The following RGS21 variants were observed in gnomAD, a reference collection of about 807,000 sequenced individuals.
RGS21 encodes regulator of G-protein signalling 21.
In RGS21, 19 loss-of-function variants were observed where a neutral mutation model predicts 18.7. The observed-to-expected ratio is 1.01, with a 90% confidence interval of 0.71 to 1.49. RGS21 has a LOEUF of 1.49. Among genes scored for constraint, RGS21 ranks in the 40% most tolerant of loss-of-function variants. The pLI is 0.00. For missense variants in RGS21, 194 were observed against 176.8 expected (o/e 1.10, Z -0.55); for synonymous variants, 56 against 57.8 (o/e 0.97, Z 0.14).
In RGS21 at chr1:192,349,411, A is replaced by G. The variant is rs115055981; in HGVS notation, c.88+2022A>G. Among the ~76,000 whole-genome samples the G allele has an allele frequency of 1.7e-3, 266 of 152,242 alleles. 1 individual carries two copies. The highest frequency in any genetic ancestry group is 5.7e-3 in the African/African-American group (236 of 41,560). On this transcript the variant is annotated intron_variant, in intron 3 of 4. Transcript: ENST00000417209. The stretch of plus-strand genomic sequence containing the variant: ...AGCTAAAGGACTTGTCAAATTACCT[A>G]GTTGTTTTTGTTGATTTGCAGACAT...
intron 1 of RGS21, among the ~76,000 whole-genome samples, chr1:192,342,113 G>T (rs1245734149): frequency 1.3e-5 from 2 of 151,952 alleles, no homozygotes; most frequent in East Asian, 3.9e-4. Context: ...TCAAGGAGAA[G>T]AACATTTTTT....
At chr1:192,338,804 T>C (rs1393259428) in intron 1 of RGS21, among the ~76,000 whole-genome samples, 1 of 152,124 alleles carries the variant, frequency 6.6e-6, no homozygotes, top group African/African-American at 2.4e-5. Flanking sequence ...CTAAAGTATT[T>C]AAATACTTAT....
At chr1:192,333,434 T>C (rs1247787609) in intron 1 of RGS21, among the ~76,000 whole-genome samples, 1 of 151,804 alleles carries the variant, frequency 6.6e-6, no homozygotes, top group Non-Finnish European at 1.5e-5. Flanking sequence ...ATAAGAAGTG[T>C]CCTTAAGTAG....
intron 1 of RGS21, among the ~76,000 whole-genome samples, chr1:192,341,153 A>T (rs1020548178): frequency 2.6e-5 from 4 of 151,812 alleles, no homozygotes; most frequent in African/African-American, 7.3e-5. Context: ...TCACTCCAAC[A>T]TCTTGTTTTC....
At chr1:192,356,662 GAC>G (rs1288381210) in intron 4 of RGS21, among the ~76,000 whole-genome samples, 1 of 151,646 alleles carries the variant, frequency 6.6e-6, no homozygotes, top group Non-Finnish European at 1.5e-5. Flanking sequence ...ATGAGTTGTT[GAC>G]AGAGAAAAGC....
chr1:192,349,991 T>C (rs886084905), intron 3 of RGS21, among the ~76,000 whole-genome samples: 1 of 152,210 alleles, frequency 6.6e-6, no homozygotes, highest in Non-Finnish European at 1.5e-5. Context: ...CATCTTAGCA[T>C]AAATTCTGTT....
chr1:192,329,165 G>A (rs75368245), intron 1 of RGS21, among the ~76,000 whole-genome samples: 3,441 of 152,078 alleles, frequency 0.023, 60 homozygotes, highest in Non-Finnish European at 0.035. Context: ...GGCCAATATT[G>A]TCAGGTTTAA....
chr1:192,358,463 G>C (rs1027015232), intron 4 of RGS21, among the ~76,000 whole-genome samples: 14 of 151,984 alleles, frequency 9.2e-5, no homozygotes, highest in African/African-American at 3.4e-4. Flanking sequence ...TGAGGTGTTA[G>C]TGGTGATTAA....
At chr1:192,353,428 A>G (rs376447804) in intron 4 of RGS21, among the ~76,000 whole-genome samples, 2 of 152,016 alleles carry the variant, frequency 1.3e-5, no homozygotes, top group South Asian at 4.1e-4. Context: ...ATTCTGGAAA[A>G]TTGAAAATGT....
intron 1 of RGS21, among the ~76,000 whole-genome samples, chr1:192,322,648 TC>T (rs1194272248): frequency 6.6e-6 from 1 of 152,008 alleles, no homozygotes; most frequent in Non-Finnish European, 1.5e-5. Context: ...GCCAGACACT[TC>T]CAGCCAGGAT....
chr1:192,347,802 G>A (rs1459918563), intron 3 of RGS21, among the ~76,000 whole-genome samples: 1 of 151,966 alleles, frequency 6.6e-6, no homozygotes, highest in Non-Finnish European at 1.5e-5. Context: ...TGAGATTACA[G>A]ACATGCACCA....
At chr1:192,335,265 A>T (rs1658751395) in intron 1 of RGS21, among the ~76,000 whole-genome samples, 1 of 152,298 alleles carries the variant, frequency 6.6e-6, no homozygotes, top group East Asian at 1.9e-4. Flanking sequence ...GGGAAGAAGG[A>T]AATGATTCTC....
At chr1:192,325,688 T>C (rs1658559928) in intron 1 of RGS21, among the ~76,000 whole-genome samples, 1 of 152,134 alleles carries the variant, frequency 6.6e-6, no homozygotes, top group Non-Finnish European at 1.5e-5. Flanking sequence ...TTGATTTGCA[T>C]GTCTCTGATT....
intron 4 of RGS21, among the ~76,000 whole-genome samples, chr1:192,357,045 T>C (rs1362852340): frequency 6.6e-6 from 1 of 151,756 alleles, no homozygotes; most frequent in African/African-American, 2.4e-5. Flanking sequence ...TAAAAAATAA[T>C]AATTATAATA....
At chr1:192,331,369 TG>T (rs1254065875) in intron 1 of RGS21, among the ~76,000 whole-genome samples, 1 of 151,942 alleles carries the variant, frequency 6.6e-6, no homozygotes, top group African/African-American at 2.4e-5. Context: ...CTGGCCAACA[TG>T]GTGAAATCCC....
At position 192,318,554 on chromosome 1, in the gene RGS21, G is replaced by A. The variant is rs560680844; in HGVS notation, c.-61+1449G>A. 2.0e-5 allele frequency among the ~76,000 whole-genome samples: 3 copies of A among 152,182 alleles called. No homozygotes were observed. The South Asian group carries it at 6.2e-4, about 32-fold the overall frequency. Reference sequence around the variant, plus strand: ...AGATTTATCTTCCAGCAGAAGAACAGGGAGAATGTCGTATCTAAAGGAGAA... The same window carrying A: ...AGATTTATCTTCCAGCAGAAGAACAAGGAGAATGTCGTATCTAAAGGAGAA... On this transcript the variant is annotated intron_variant, in intron 1 of 4. Transcript: ENST00000417209.
At position 192,343,011 on chromosome 1, in the gene RGS21, A is replaced by C. The variant is rs1267536415; in HGVS notation, c.-26A>C. ...CAGTCAGAAAGAGAAACTCGGCATCATCTGTGACAGACAGTGGAACGAAAA... is the reference window on the plus strand; with the variant it reads ...CAGTCAGAAAGAGAAACTCGGCATCCTCTGTGACAGACAGTGGAACGAAAA... On this transcript the variant is annotated 5_prime_UTR_variant, in exon 2 of 5. Coordinates refer to ENST00000417209, the MANE Select transcript of RGS21 (RefSeq NM_001039152.3). 8 of 1,612,010 alleles carry C rather than the reference A, an allele frequency of 5.0e-6. No individual in the cohort carries two copies. The highest frequency in any genetic ancestry group is 6.8e-6 in the Non-Finnish European group (8 of 1,178,390).
At chr1:192,336,056 A>G (rs1161823200) in intron 1 of RGS21, among the ~76,000 whole-genome samples, 1 of 152,246 alleles carries the variant, frequency 6.6e-6, no homozygotes, top group Admixed American at 6.5e-5. Context: ...CGTGTAAAGC[A>G]TATTATCTAA....
intron 3 of RGS21, among the ~76,000 whole-genome samples, chr1:192,347,675 A>G (rs188121843): frequency 0.012 from 1,760 of 152,132 alleles, 12 homozygotes; most frequent in Middle Eastern, 0.027. Context: ...TTTTATTTTA[A>G]TACAGAGTCT....
Sources: gnomAD v4.1 joint callset for allele counts (sites outside exome capture counted in the v4.1 genomes callset) on GRCh38, gnomAD v4.1.1 for gene constraint, MANE v1.5 for transcripts, NCBI Gene and HGNC (gene_info 2026-07-23, HGNC 2026-07-21) for gene names.